Variants in CDH13 observed in about 807,000 individuals in gnomAD.
CDH13 encodes cadherin-13.
Under a neutral mutation model 63.8 loss-of-function variants are expected in CDH13, and 24 were observed. That is an observed-to-expected ratio of 0.38 (90% CI 0.27 to 0.53). The LOEUF (loss-of-function observed/expected upper bound fraction) is 0.53. CDH13 is among the 20% of genes least tolerant of loss of function. The pLI is 0.85. For synonymous variants in CDH13, 503 were observed against 355.3 expected (o/e 1.42, Z -4.67); for missense variants, 1,049 against 903.1 (o/e 1.16, Z -2.07).
chr16:83,701,750 C>T (rs985180857), intron 10 of CDH13, among the ~76,000 whole-genome samples: 2 of 152,178 alleles, frequency 1.3e-5, no homozygotes, highest in Non-Finnish European at 2.9e-5. Context: ...CACCAATTGC[C>T]CAGCACTCCT....
At chr16:83,519,748 T>A (rs771333991) in intron 7 of CDH13, among the ~76,000 whole-genome samples, 5 of 151,964 alleles carry the variant, frequency 3.3e-5, no homozygotes, top group Non-Finnish European at 7.4e-5. Context: ...GAAAGAAAGG[T>A]GCCTCAATAC....
rs2151181708 is a variant in CDH13, at chr16:82,811,935, A to T, written c.46-46427A>T. 1.3e-5 allele frequency among the ~76,000 whole-genome samples: 2 copies of T among 152,236 alleles called. 1 individual carries two copies. The highest frequency in any genetic ancestry group is 1.3e-4 in the Admixed American group (2 of 15,292). On this transcript the variant is annotated intron_variant, in intron 1 of 13. Transcript: ENST00000567109. Reference sequence around the variant, plus strand: ...CCTGTTGAGTTTGAAGTGCCTTTTGAGTATCATGGAAATATTAAAAAGATA... The same window carrying T: ...CCTGTTGAGTTTGAAGTGCCTTTTGTGTATCATGGAAATATTAAAAAGATA...
At chr16:83,067,258 T>G (rs947898905) in intron 3 of CDH13, among the ~76,000 whole-genome samples, 10 of 152,202 alleles carry the variant, frequency 6.6e-5, no homozygotes, top group African/African-American at 2.2e-4. Context: ...AGTATTGTGT[T>G]GTGGAGGCTC....
chr16:83,286,649 G>A (rs1372292372), intron 5 of CDH13, among the ~76,000 whole-genome samples: 1 of 151,722 alleles, frequency 6.6e-6, no homozygotes, highest in East Asian at 1.9e-4. Flanking sequence ...CCAGCTACTT[G>A]GGGGGCTGAG....
chr16:83,776,208 G>A (rs461134), intron 11 of CDH13, among the ~76,000 whole-genome samples: 74,980 of 151,948 alleles, frequency 0.49, 19,150 homozygotes, highest in Non-Finnish European at 0.57. Context: ...TCTTATGGCC[G>A]TATTTCAAAT....
chr16:82,937,419 GCA>G (rs748594526), intron 2 of CDH13, among the ~76,000 whole-genome samples: 39 of 148,956 alleles, frequency 2.6e-4, no homozygotes, highest in East Asian at 2.5e-3. Flanking sequence ...ACATACACAT[GCA>G]CACACACACA....
intron 1 of CDH13, among the ~76,000 whole-genome samples, chr16:82,653,691 G>T (rs762869675): frequency 6.6e-6 from 1 of 152,176 alleles, no homozygotes; most frequent in Non-Finnish European, 1.5e-5. Context: ...TGCATGTCAT[G>T]TTGAGAAACT....
At chr16:82,692,118 G>A (rs1597336545) in intron 1 of CDH13, among the ~76,000 whole-genome samples, 1 of 152,330 alleles carries the variant, frequency 6.6e-6, no homozygotes, top group East Asian at 1.9e-4. Context: ...ATTGTGGACA[G>A]CAAAGTTATA....
chr16:83,306,314 C>T (rs1178692613), intron 5 of CDH13, among the ~76,000 whole-genome samples: 5 of 152,078 alleles, frequency 3.3e-5, no homozygotes, highest in Admixed American at 6.5e-5. Flanking sequence ...GTGGGGGTGT[C>T]GGGAGCGGGG....
chr16:83,045,605 G>A (rs978926318), intron 3 of CDH13, among the ~76,000 whole-genome samples: 6 of 138,374 alleles, frequency 4.3e-5, no homozygotes, highest in Non-Finnish European at 7.6e-5. Context: ...CCACTGCAGT[G>A]TAGTCTGGGC....
chr16:83,291,489 C>T (rs772163465), intron 5 of CDH13, among the ~76,000 whole-genome samples: 7 of 152,154 alleles, frequency 4.6e-5, no homozygotes, highest in Non-Finnish European at 1.0e-4. Flanking sequence ...CATCATTAGG[C>T]AGCGTAGTTA....
chr16:83,233,240 C>G (rs1305368440), intron 5 of CDH13, among the ~76,000 whole-genome samples: 2 of 152,132 alleles, frequency 1.3e-5, no homozygotes, highest in Non-Finnish European at 2.9e-5. Context: ...CCTGAGCTAC[C>G]CTAGGAGTCT....
chr16:83,069,495 A>T (rs1004925387), intron 3 of CDH13, among the ~76,000 whole-genome samples: 5 of 152,162 alleles, frequency 3.3e-5, no homozygotes, highest in African/African-American at 1.2e-4. Context: ...TGTTATTGTC[A>T]TTCTTATTTT....
intron 8 of CDH13, among the ~76,000 whole-genome samples, chr16:83,620,848 G>A (rs1404401782): frequency 6.6e-6 from 1 of 152,126 alleles, no homozygotes; most frequent in Non-Finnish European, 1.5e-5. Flanking sequence ...ATCAAGAACG[G>A]CAATTGTGTC....
Position 83,688,367 on chromosome 16 carries a change from A to G in CDH13, c.1538+9906A>G, listed in dbSNP as rs557931115. On this transcript the variant is annotated intron_variant, in intron 10 of 13. Coordinates refer to ENST00000567109, the MANE Select transcript of CDH13 (RefSeq NM_001257.5). ...GTTCAAAAATATGTAGTAGCCTACC[A>G]TTTATTGGGAGGAAGGAGGATTTCT... Among the ~76,000 whole-genome samples, 6 of 152,354 alleles carry G rather than the reference A, an allele frequency of 3.9e-5. No individual in the cohort carries two copies. The South Asian group carries it at 1.2e-3, about 32-fold the overall frequency.
chr16:83,618,275 A>T (rs1909473032), intron 8 of CDH13, among the ~76,000 whole-genome samples: 1 of 151,884 alleles, frequency 6.6e-6, no homozygotes, highest in South Asian at 2.1e-4. Context: ...AATACAAAAA[A>T]TTAGCCAGGC....
chr16:82,706,040 CTCCCTTCT>C (rs1015693662), intron 1 of CDH13, among the ~76,000 whole-genome samples: 3 of 151,956 alleles, frequency 2.0e-5, no homozygotes, highest in African/African-American at 4.8e-5. Flanking sequence ...TCTGTCTTCC[CTCCCTTCT>C]TCCCTTCTTC....
At chr16:82,829,417 C>T (rs562115478) in intron 1 of CDH13, 1 of 152,044 alleles carries the variant, frequency 6.6e-6, no homozygotes, top group South Asian at 2.1e-4. Context: ...GAAACACCTT[C>T]CAGGCTGGAG....
intron 8 of CDH13, among the ~76,000 whole-genome samples, chr16:83,648,521 C>G (rs1349781100): frequency 6.6e-6 from 1 of 152,134 alleles, no homozygotes; most frequent in Non-Finnish European, 1.5e-5. Context: ...AGTCTGAATG[C>G]TCAGTCTTTC....
Sources: allele counts gnomAD v4.1 joint callset (sites outside exome capture counted in the v4.1 genomes callset), GRCh38; gene constraint gnomAD v4.1.1; transcripts MANE v1.5; gene names NCBI Gene and HGNC (gene_info 2026-07-23, HGNC 2026-07-21).